Variants in MACIR observed in about 807,000 individuals in gnomAD.
MACIR encodes the protein macrophage immunometabolism regulator.
In MACIR, 4 loss-of-function variants were observed where a neutral mutation model predicts 14.3. The ratio of observed to expected loss-of-function variants is 0.28; its 90% CI spans 0.14 to 0.64. MACIR has a LOEUF of 0.64. MACIR is among the 30% of genes least tolerant of loss of function. MACIR has a pLI of 0.83. For missense variants in MACIR, 228 were observed against 257.6 expected (o/e 0.89, Z 0.79); for synonymous variants, 101 against 102.4 (o/e 0.99, Z 0.08).
At chr5:103,266,231 C>T (rs1188901002) in intron 2 of MACIR, among the ~76,000 whole-genome samples, 1 of 151,964 alleles carries the variant, frequency 6.6e-6, no homozygotes, top group Non-Finnish European at 1.5e-5. Flanking sequence ...AAATGTTTGG[C>T]TAAGTTTTCC....
In MACIR at chr5:103,278,061, A is replaced by G. The variant is rs1554237971; in HGVS notation, c.*1521A>G. Reference sequence around the variant, plus strand: ...ACGTTTATTACACTTTCATTAAGGCAAACTACGTGAAAGAGCCTTGGGGAA... The same window carrying G: ...ACGTTTATTACACTTTCATTAAGGCGAACTACGTGAAAGAGCCTTGGGGAA... On this transcript the variant is annotated 3_prime_UTR_variant, in exon 3 of 3. Coordinates refer to ENST00000319933, the MANE Select transcript of MACIR (RefSeq NM_033211.4). 1 of 167,070 alleles carries G rather than the reference A, an allele frequency of 6.0e-6. No individual in the cohort carries two copies. The highest frequency in any genetic ancestry group is 2.4e-5 in the African/African-American group (1 of 41,470). 10.3% of individuals were successfully genotyped at this position (167,070 alleles called of 1,614,324 possible). A position where few individuals can be genotyped will look rare whatever the true frequency, so the allele number is the denominator to read the frequency against.
Position 103,275,923 on chromosome 5 carries a change from G to A in MACIR, c.4G>A (p.Glu2Lys), listed in dbSNP as rs782193473. Reference protein sequence around the residue: MEVDINGESRST... With the variant: MKVDINGESRST... ...ATTGTGCAGACTGGTGCTTAAAATGGAAGTCGATATTAATGGAGAGTCTAG... is the reference window on the plus strand; with the variant it reads ...ATTGTGCAGACTGGTGCTTAAAATGAAAGTCGATATTAATGGAGAGTCTAG... The change falls in exon 3 of 3, where the codon GAA becomes AAA. Residue 2 changes from glutamate to lysine, a missense_variant. Physicochemically the swap from Glu to Lys is moderately conservative, Grantham distance 56. Transcript: ENST00000319933. 1 of 1,609,094 alleles carries A rather than the reference G, an allele frequency of 6.2e-7. No individual in the cohort carries two copies. The highest frequency in any genetic ancestry group is 1.1e-5 in the South Asian group (1 of 90,902).
chr5:103,261,697 T>TCTTTCTTTCTTTCTTC, intron 1 of MACIR, among the ~76,000 whole-genome samples: 1 of 109,992 alleles, frequency 9.1e-6, no homozygotes, highest in Non-Finnish European at 1.9e-5. Context: ...TTTCTTTCTT[T>TCTTTCTTTCTTTCTTC]CTTTCTTCCT....
rs1805362885 is a variant in MACIR, at chr5:103,277,010, C to T, written c.*470C>T. 6.0e-6 allele frequency: 1 copy of T among 167,120 alleles called. No homozygotes were observed. The allele number at this position is 167,120 out of a possible 1,614,324, so 10.4% of individuals were successfully genotyped here. On this transcript the variant is annotated 3_prime_UTR_variant, in exon 3 of 3. Transcript: ENST00000319933. ...AGAACTTGAACATTGCTGAATTGGA[C>T]CACTTTTTATTTTTAAATATTGAGT...
At chr5:103,262,986 C>G (rs190651303) in intron 1 of MACIR, among the ~76,000 whole-genome samples, 153 of 152,110 alleles carry the variant, frequency 1.0e-3, no homozygotes, top group African/African-American at 3.6e-3. Context: ...TTAAAGTATT[C>G]TAAAAATGTG....
intron 2 of MACIR, among the ~76,000 whole-genome samples, chr5:103,270,150 T>C (rs548185793): frequency 3.1e-4 from 47 of 152,320 alleles, no homozygotes; most frequent in African/African-American, 9.6e-4. Context: ...GGTGAGTGTA[T>C]AGATGATACT....
Position 103,276,640 on chromosome 5 carries a change from T to TTA in MACIR, c.*104_*105dup. 1 of 1,092,136 alleles carries TTA rather than the reference T, an allele frequency of 9.2e-7. No homozygotes were observed. Among genetic ancestry groups the TTA allele is most frequent in the Non-Finnish European group, 1.3e-6 (1 of 771,338 alleles). 67.7% of individuals were successfully genotyped at this position (1,092,136 alleles called of 1,614,324 possible). ...ACATGACTCTTCACACTATAGATGGTTATATCAGCTAAGTGTTCCTGGAAC... is the reference window on the plus strand; with the variant it reads ...ACATGACTCTTCACACTATAGATGGTTATATATCAGCTAAGTGTTCCTGGAAC... On this transcript the variant is annotated 3_prime_UTR_variant, in exon 3 of 3. Transcript: ENST00000319933.
At chr5:103,263,924 C>T (rs1554236535) in intron 1 of MACIR, among the ~76,000 whole-genome samples, 1 of 151,970 alleles carries the variant, frequency 6.6e-6, no homozygotes, top group Non-Finnish European at 1.5e-5. Flanking sequence ...AGAAAGAGTC[C>T]ATGATTCAGA....
intron 1 of MACIR, among the ~76,000 whole-genome samples, chr5:103,265,000 C>G (rs534947756): frequency 6.6e-6 from 1 of 152,136 alleles, no homozygotes; most frequent in African/African-American, 2.4e-5. Context: ...AACAGAAAAC[C>G]AACAACCAAA....
At chr5:103,275,864 A>T (rs1554237593) in intron 2 of MACIR, 33 bp from the exon 3 acceptor site, 25 of 1,552,716 alleles carry the variant, frequency 1.6e-5, no homozygotes, top group Non-Finnish European at 2.1e-5. Flanking sequence ...TCTGTGCATT[A>T]TATTCTTCTA....
intron 1 of MACIR, among the ~76,000 whole-genome samples, chr5:103,262,087 T>G (rs1036088200): frequency 6.6e-6 from 1 of 152,134 alleles, no homozygotes; most frequent in Non-Finnish European, 1.5e-5. Context: ...TTTGTATATT[T>G]TTGGGAAAGG....
chr5:103,264,558 GA>G (rs879998607), intron 1 of MACIR, among the ~76,000 whole-genome samples: 3 of 152,144 alleles, frequency 2.0e-5, no homozygotes, highest in Non-Finnish European at 2.9e-5. Flanking sequence ...GTTAAAACCA[GA>G]GGCTTCATTG....
At chr5:103,263,800 T>C (rs1195414528) in intron 1 of MACIR, among the ~76,000 whole-genome samples, 1 of 152,136 alleles carries the variant, frequency 6.6e-6, no homozygotes, top group Middle Eastern at 3.2e-3. Flanking sequence ...TCTTGAGAAA[T>C]AAAGCGGAAA....
chr5:103,265,731 A>G (rs138295192), intron 1 of MACIR, among the ~76,000 whole-genome samples, 177 bp from the exon 2 acceptor site: 1 of 152,296 alleles, frequency 6.6e-6, no homozygotes, highest in African/African-American at 2.4e-5. Flanking sequence ...TTGAGGATGC[A>G]TTTAGGTGAA....
intron 2 of MACIR, among the ~76,000 whole-genome samples, chr5:103,268,928 A>G (rs577083968): frequency 6.6e-6 from 1 of 152,238 alleles, no homozygotes; most frequent in South Asian, 2.1e-4. Flanking sequence ...CATTAAAACT[A>G]TACCACTCTA....
chr5:103,261,253 A>G (rs1462497708), intron 1 of MACIR, among the ~76,000 whole-genome samples: 10 of 152,224 alleles, frequency 6.6e-5, no homozygotes, highest in Admixed American at 5.9e-4. Context: ...AAGGTCAAGG[A>G]TGGTTTCAGA....
At chr5:103,268,146 A>G (rs538722579) in intron 2 of MACIR, among the ~76,000 whole-genome samples, 15 of 152,236 alleles carry the variant, frequency 9.9e-5, no homozygotes, top group African/African-American at 3.1e-4. Flanking sequence ...AAATATTCAC[A>G]TTCAGGTGTT....
In MACIR at chr5:103,277,439, T is replaced by A. The variant is rs1805378337; in HGVS notation, c.*899T>A. 6.0e-6 allele frequency: 1 copy of A among 167,108 alleles called. No individual in the cohort carries two copies. The highest frequency in any genetic ancestry group is 1.5e-5 in the Non-Finnish European group (1 of 68,114). 10.4% of individuals were successfully genotyped at this position (167,108 alleles called of 1,614,324 possible). A position where few individuals can be genotyped will look rare whatever the true frequency, so the allele number is the denominator to read the frequency against. On this transcript the variant is annotated 3_prime_UTR_variant, in exon 3 of 3. Transcript: ENST00000319933. ...TGCATCTGAATTTTCTGTAAGTGAA[T>A]AATAGTTTAATAGAGGAACTCATGA...
rs1387187189 is a variant in MACIR, at chr5:103,258,822, C to T, written c.-188C>T. 2.0e-5 allele frequency: 3 copies of T among 152,434 alleles called. No homozygotes were observed. Among genetic ancestry groups the T allele is most frequent in the African/African-American group, 7.2e-5 (3 of 41,572 alleles). The allele number at this position is 152,434 out of a possible 1,614,324, so 9.4% of individuals were successfully genotyped here. ...TCTGCCTGGATCTCGGCGCCGCAGT[C>T]CTGCGCCTCTCCCGCCCCTGTCTCC... On this transcript the variant is annotated 5_prime_UTR_variant, in exon 1 of 3. Transcript: ENST00000319933.
Sources: gnomAD v4.1 joint callset for allele counts (sites outside exome capture counted in the v4.1 genomes callset) on GRCh38, gnomAD v4.1.1 for gene constraint, MANE v1.5 for transcripts, NCBI Gene and HGNC (gene_info 2026-07-23, HGNC 2026-07-21) for gene names.